The following CD44 variants were observed in gnomAD, a reference collection of about 807,000 sequenced individuals.
The protein encoded by CD44 is CD44 molecule (IN blood group).
A neutral mutation model predicts 88.8 loss-of-function variants in CD44; 49 were observed. The ratio of observed to expected loss-of-function variants is 0.55; its 90% CI spans 0.44 to 0.70. The LOEUF is 0.70. CD44 is among the 30% of genes least tolerant of loss of function. The probability of loss-of-function intolerance (pLI) is 0.00; values close to 1 mark genes in which losing one functional copy is unlikely to be tolerated. For missense variants in CD44, 883 were observed against 913.8 expected (o/e 0.97, Z 0.43); for synonymous variants, 325 against 312.3 (o/e 1.04, Z -0.43).
chr11:35,196,526 C>A (rs747807902), intron 5 of CD44, among the ~76,000 whole-genome samples: 1 of 70,738 alleles, frequency 1.4e-5, no homozygotes, highest in Non-Finnish European at 2.4e-5. Context: ...GAGCATGAAC[C>A]AGATGACATT....
intron 10 of CD44, among the ~76,000 whole-genome samples, chr11:35,205,156 A>G (rs1036476656): frequency 6.6e-6 from 1 of 152,172 alleles, no homozygotes; most frequent in African/African-American, 2.4e-5. Context: ...TTTGAGTATA[A>G]AAAAGGTATC....
Position 35,190,069 on chromosome 11 carries a change from A to T in CD44, c.667+4A>T, listed in dbSNP as rs2133889848. On this transcript the variant is annotated splice_donor_region_variant and intron_variant, in intron 5 of 17. Coordinates refer to ENST00000428726, the MANE Select transcript of CD44 (RefSeq NM_000610.4). ...ACAGACAGAATCCCTGCTACCAGTA[A>T]GGAGAATAAATCACTGTGCTTCCCA... The T allele has an allele frequency of 1.2e-6, 2 of 1,609,930 alleles. No homozygotes were observed. Among genetic ancestry groups the T allele is most frequent in the Non-Finnish European group, 1.7e-6 (2 of 1,176,112 alleles).
chr11:35,197,821 G>T, intron 6 of CD44: 2 of 265,130 alleles, frequency 7.5e-6, no homozygotes, highest in Admixed American at 4.9e-5. Flanking sequence ...AAACATATCT[G>T]AAAGTGTGGG....
At chr11:35,212,355 C>T (rs563435381) in intron 14 of CD44, among the ~76,000 whole-genome samples, 1 of 151,842 alleles carries the variant, frequency 6.6e-6, no homozygotes, top group Non-Finnish European at 1.5e-5. Flanking sequence ...TTCTCTCCTC[C>T]CCCCAAAAAA....
chr11:35,211,430 T>A lies in CD44; in HGVS notation c.1791T>A (p.Asn597Lys). Reference protein sequence around the residue: ...TAVTVGDSNSNVNRSLSGDQD... With the variant: ...TAVTVGDSNSKVNRSLSGDQD... Reference sequence around the variant, plus strand: ...TTACTGTTGGAGATTCCAACTCTAATGTCAATCGTTCCTTATCAGGTAATT... The same window carrying A: ...TTACTGTTGGAGATTCCAACTCTAAAGTCAATCGTTCCTTATCAGGTAATT... Residue 597 changes from asparagine to lysine, a missense_variant, in exon 14 of 18, where the codon AAT (asparagine) becomes AAA (lysine). Transcript: ENST00000428726. The A allele has an allele frequency of 6.2e-7, 1 of 1,613,756 alleles. No individual in the cohort carries two copies. Among genetic ancestry groups the A allele is most frequent in the Non-Finnish European group, 8.5e-7 (1 of 1,179,666 alleles).
At chr11:35,208,387 C>T (rs942442850) in intron 12 of CD44, among the ~76,000 whole-genome samples, 181 bp downstream of exon 12, 6 of 152,094 alleles carry the variant, frequency 3.9e-5, no homozygotes, top group African/African-American at 1.4e-4. Context: ...CCTGATTTTC[C>T]CTTCATTTCT....
At chr11:35,219,755 G>C (rs1949135612) in intron 16 of CD44, among the ~76,000 whole-genome samples, 1 of 152,152 alleles carries the variant, frequency 6.6e-6, no homozygotes, top group South Asian at 2.1e-4. Context: ...CTTATTTCTG[G>C]GGTCCAAGGT....
intron 11 of CD44, among the ~76,000 whole-genome samples, chr11:35,207,448 A>G (rs1947976242): frequency 6.6e-6 from 1 of 152,180 alleles, no homozygotes; most frequent in Non-Finnish European, 1.5e-5. Flanking sequence ...TAACTGTTAA[A>G]AACAACATTT....
At position 35,214,874 on chromosome 11, in the gene CD44, C is replaced by T. The variant is rs1591305457; in HGVS notation, c.1833C>T (p.Pro611=). The T allele has an allele frequency of 1.9e-6, 3 of 1,557,720 alleles. No individual in the cohort carries two copies. In the African/African-American group the frequency reaches 4.1e-5, roughly 21 times the overall value. The part of the protein sequence containing the change: ...SLSGDQDTFH[P]SGGSHTTHGS... ...CAGGAGACCAAGACACATTCCACCC[C>T]AGTGGGGGGTCCCATACCACTCATG... Residue 611 remains proline, a synonymous_variant, in exon 15 of 18, where the codon CCC becomes CCT. Transcript: ENST00000428726.
chr11:35,141,653 C>A (rs1286519900), intron 1 of CD44, among the ~76,000 whole-genome samples: 1 of 152,240 alleles, frequency 6.6e-6, no homozygotes, highest in Non-Finnish European at 1.5e-5. Flanking sequence ...TTGAGGTTCT[C>A]CCAGAGACCC....
chr11:35,206,383 T>C, intron 11 of CD44, 140 bp downstream of exon 11: 3 of 793,590 alleles, frequency 3.8e-6, no homozygotes, highest in Non-Finnish European at 5.7e-6. Flanking sequence ...AAATTAGTTT[T>C]CTTGGTAGGA....
At chr11:35,178,455 G>A (rs1335113475) in intron 2 of CD44, among the ~76,000 whole-genome samples, 2 of 152,202 alleles carry the variant, frequency 1.3e-5, no homozygotes, top group Admixed American at 6.5e-5. Flanking sequence ...CCTGCCTATG[G>A]AGGAGTTAGG....
intron 3 of CD44, among the ~76,000 whole-genome samples, chr11:35,181,950 A>AT (rs1490179778): frequency 2.0e-5 from 2 of 100,476 alleles, no homozygotes; most frequent in Non-Finnish European, 3.7e-5. Flanking sequence ...TATATAATAT[A>AT]TATAAATTTT....
chr11:35,192,328 G>C (rs1258296839), intron 5 of CD44, among the ~76,000 whole-genome samples: 1 of 152,214 alleles, frequency 6.6e-6, no homozygotes, highest in African/African-American at 2.4e-5. Flanking sequence ...GTGGAAACTT[G>C]AACGTAGCAT....
chr11:35,193,549 G>A lies in CD44; in HGVS notation c.668-3197G>A, dbSNP rs546672628. On this transcript the variant is annotated intron_variant, in intron 5 of 17. Coordinates refer to ENST00000428726, the MANE Select transcript of CD44 (RefSeq NM_000610.4). ...TATGTAGCATCACTTTTTTGAGGAA[G>A]GAGGACATAACGTAGATTTTCAAAG... 8.5e-5 allele frequency among the ~76,000 whole-genome samples: 13 copies of A among 152,284 alleles called. No homozygotes were observed. The East Asian group carries it at 2.5e-3, about 29-fold the overall frequency.
intron 9 of CD44, among the ~76,000 whole-genome samples, chr11:35,203,586 G>A (rs1310537191): frequency 6.6e-6 from 1 of 151,828 alleles, no homozygotes; most frequent in Non-Finnish European, 1.5e-5. Flanking sequence ...TTTTTTAAAT[G>A]TCATTACTGT....
chr11:35,186,956 G>A (rs374064563), intron 4 of CD44, 56 bp downstream of exon 4: 45 of 1,018,208 alleles, frequency 4.4e-5, no homozygotes, highest in East Asian at 3.1e-4. Context: ...AAGGGCTCAG[G>A]TGTGTTCTCT....
intron 1 of CD44, among the ~76,000 whole-genome samples, chr11:35,161,493 A>AG (rs1183100345): frequency 6.6e-6 from 1 of 152,172 alleles, no homozygotes; most frequent in Non-Finnish European, 1.5e-5. Flanking sequence ...CATAGATGTC[A>AG]GGGGGTCAGG....
chr11:35,169,199 C>A lies in CD44; in HGVS notation c.68-7376C>A, dbSNP rs527589767. On this transcript the variant is annotated intron_variant, in intron 1 of 17. Coordinates refer to ENST00000428726, the MANE Select transcript of CD44 (RefSeq NM_000610.4). Reference sequence around the variant, plus strand: ...ATTATTTCATTCAACATTTGCCTACCATGGGAGGCTGTACTAGGTACTGGG... The same window carrying A: ...ATTATTTCATTCAACATTTGCCTACAATGGGAGGCTGTACTAGGTACTGGG... Among the ~76,000 whole-genome samples, 15 of 152,088 alleles carry A rather than the reference C, an allele frequency of 9.9e-5. No homozygotes were observed. In the South Asian group the frequency reaches 3.1e-3, roughly 32 times the overall value.
Sources: allele counts gnomAD v4.1 joint callset (sites outside exome capture counted in the v4.1 genomes callset), GRCh38; gene constraint gnomAD v4.1.1; transcripts MANE v1.5; gene names NCBI Gene and HGNC (gene_info 2026-07-23, HGNC 2026-07-21).